The following LARS2 variants were observed in gnomAD, a reference collection of about 807,000 sequenced individuals.
The protein encoded by LARS2 is leucyl-tRNA synthetase 2, mitochondrial.
In LARS2, 81 loss-of-function variants were observed where a neutral mutation model predicts 116.6. That is an observed-to-expected ratio of 0.69 (90% CI 0.58 to 0.84). The LOEUF (loss-of-function observed/expected upper bound fraction) is 0.84, where lower values mean the gene tolerates loss of function less well. Among genes scored for constraint, LARS2 ranks in the 40% least tolerant of loss-of-function variants. LARS2 has a pLI of 0.00. For missense variants in LARS2, 968 were observed against 1,114.5 expected, an observed-to-expected ratio of 0.87 and a Z score of 1.87; for synonymous variants, 396 against 407.2, an observed-to-expected ratio of 0.97 and a Z score of 0.33.
intron 1 of LARS2, among the ~76,000 whole-genome samples, chr3:45,389,640 G>C (rs540603526): frequency 2.3e-4 from 35 of 152,320 alleles, no homozygotes; most frequent in Admixed American, 9.1e-4. Flanking sequence ...TTCTTTGGAA[G>C]GTTGTGGAAG....
chr3:45,393,738 C>T (rs1262860838), intron 2 of LARS2, among the ~76,000 whole-genome samples: 9 of 152,062 alleles, frequency 5.9e-5, no homozygotes, highest in Non-Finnish European at 1.2e-4. Flanking sequence ...GCAGGTAGAT[C>T]GCTTGAGCCC....
At chr3:45,506,912 C>G (rs1323016111) in intron 15 of LARS2, 1 of 151,960 alleles carries the variant, frequency 6.6e-6, no homozygotes, top group African/African-American at 2.4e-5. Flanking sequence ...GTCTCCTTAC[C>G]TTACGTAAGA....
At chr3:45,530,474 C>T (rs935226984) in intron 20 of LARS2, among the ~76,000 whole-genome samples, 4 of 152,036 alleles carry the variant, frequency 2.6e-5, no homozygotes, top group African/African-American at 7.3e-5. Flanking sequence ...GAGCCAAGAT[C>T]GCACCACTAC....
chr3:45,399,625 A>G (rs1397980230), intron 3 of LARS2, among the ~76,000 whole-genome samples: 1 of 149,722 alleles, frequency 6.7e-6, no homozygotes. Flanking sequence ...CTGCATTGGG[A>G]CCGCTTTTCT....
At chr3:45,484,252 TG>T (rs1699755398) in intron 10 of LARS2, among the ~76,000 whole-genome samples, 1 of 152,048 alleles carries the variant, frequency 6.6e-6, no homozygotes, top group African/African-American at 2.4e-5. Context: ...TCTTAAAACA[TG>T]GCAAGTATTA....
At chr3:45,438,653 AC>A (rs1698845401) in intron 6 of LARS2, among the ~76,000 whole-genome samples, 1 of 107,598 alleles carries the variant, frequency 9.3e-6, no homozygotes, top group Non-Finnish European at 2.0e-5. Flanking sequence ...CCCCATCTCT[AC>A]TAAAAATACC....
At chr3:45,465,519 A>C (rs934534320) in intron 8 of LARS2, among the ~76,000 whole-genome samples, 41 of 152,200 alleles carry the variant, frequency 2.7e-4, no homozygotes, top group African/African-American at 9.9e-4. Context: ...TTTCCCTGTC[A>C]CTTCCCAGGC....
chr3:45,464,921 C>G (rs1422671617), intron 8 of LARS2, among the ~76,000 whole-genome samples: 2 of 152,160 alleles, frequency 1.3e-5, no homozygotes, highest in African/African-American at 4.8e-5. Flanking sequence ...CTTCGAAGCT[C>G]TTACTGCATT....
intron 4 of LARS2, among the ~76,000 whole-genome samples, chr3:45,416,739 G>T (rs1422269392): frequency 6.6e-6 from 1 of 152,256 alleles, no homozygotes; most frequent in East Asian, 1.9e-4. Flanking sequence ...TAATAGCTAT[G>T]TGTGGCTACT....
chr3:45,514,570 T>A (rs1221243707), intron 16 of LARS2, among the ~76,000 whole-genome samples: 1 of 152,194 alleles, frequency 6.6e-6, no homozygotes, highest in African/African-American at 2.4e-5. Flanking sequence ...AGTGAAGTGT[T>A]CTCTGTAACA....
At chr3:45,500,934 G>A (rs964609545) in intron 15 of LARS2, among the ~76,000 whole-genome samples, 12 of 151,912 alleles carry the variant, frequency 7.9e-5, no homozygotes, top group African/African-American at 2.7e-4. Context: ...TTGTTCCTAA[G>A]CTTGGCTGAA....
intron 15 of LARS2, among the ~76,000 whole-genome samples, chr3:45,504,011 T>C (rs1401235240): frequency 6.6e-6 from 1 of 152,134 alleles, no homozygotes; most frequent in Non-Finnish European, 1.5e-5. Context: ...TGCATACATG[T>C]CCTTTGCTTC....
rs1317731930 is a variant in LARS2, at chr3:45,485,727, A to G, written c.1054A>G (p.Thr352Ala). 3.1e-6 allele frequency: 5 copies of G among 1,611,272 alleles called. No individual in the cohort carries two copies. The highest frequency in any genetic ancestry group is 3.4e-6 in the Non-Finnish European group (4 of 1,178,736). ...GCCTGTAATGGCTGTGAACATGCTT[A>G]CCCAGCAGGAGGTCCCTGTCGTTAT... is the stretch of plus-strand genomic sequence containing the variant. ...LTPVMAVNML[T>A]QQEVPVVILA... is the part of the protein sequence containing the mutation. Residue 352 changes from threonine (T) to alanine (A), a missense_variant, in exon 11 of 22, where the codon ACC becomes GCC. Coordinates refer to ENST00000645846, the MANE Select transcript of LARS2 (RefSeq NM_015340.4).
chr3:45,404,092 A>G (rs978641378), intron 4 of LARS2, among the ~76,000 whole-genome samples: 2 of 152,190 alleles, frequency 1.3e-5, no homozygotes, highest in Non-Finnish European at 2.9e-5. Context: ...CTTGTAATTC[A>G]TATTATCCAT....
At chr3:45,395,358 C>T (rs559057997) in intron 3 of LARS2, among the ~76,000 whole-genome samples, 88 of 152,328 alleles carry the variant, frequency 5.8e-4, no homozygotes, top group Middle Eastern at 6.8e-3. Context: ...CGGCACTCTA[C>T]CTGAATTAAT....
rs1180341383 is a variant in LARS2 at position 45,503,054 on chromosome 3, C to T, written c.1760+2475C>T. 1.1e-4 allele frequency among the ~76,000 whole-genome samples: 16 copies of T among 146,080 alleles called. No individual in the cohort carries two copies. In the South Asian group the frequency reaches 2.8e-3, roughly 25 times the overall value. ...TTAACTGACCTTATATTTCTTGAAC[C>T]CTTTTTTTTTTGTAGGAACTCTTTG... On this transcript the variant is annotated intron_variant, in intron 15 of 21. Transcript: ENST00000645846.
intron 9 of LARS2, among the ~76,000 whole-genome samples, chr3:45,476,186 C>T (rs1302234399): frequency 2.6e-5 from 4 of 151,768 alleles, no homozygotes; most frequent in African/African-American, 9.7e-5. Flanking sequence ...CCAGAAAAAC[C>T]AGGAAAGTAT....
At chr3:45,475,556 C>T (rs914565184) in intron 9 of LARS2, among the ~76,000 whole-genome samples, 3 of 152,228 alleles carry the variant, frequency 2.0e-5, no homozygotes, top group Admixed American at 1.3e-4. Context: ...AACTAGCATT[C>T]GGTGTGGGTC....
At chr3:45,430,940 A>G (rs1320998349) in intron 6 of LARS2, among the ~76,000 whole-genome samples, 1 of 152,170 alleles carries the variant, frequency 6.6e-6, no homozygotes, top group Non-Finnish European at 1.5e-5. Context: ...TAAAATTCAT[A>G]TATTGAATCT....
Sources: allele counts gnomAD v4.1 joint callset (sites outside exome capture counted in the v4.1 genomes callset), GRCh38; gene constraint gnomAD v4.1.1; transcripts MANE v1.5; gene names NCBI Gene and HGNC (gene_info 2026-07-23, HGNC 2026-07-21).